RBBP7: variants seen among roughly 807,000 people sequenced by gnomAD.
RBBP7 encodes RB binding protein 7, chromatin remodeling factor.
Under a neutral mutation model 35.2 loss-of-function variants are expected in RBBP7, and 5 were observed. The ratio of observed to expected loss-of-function variants is 0.14; its 90% CI spans 0.07 to 0.30. The LOEUF is 0.30. Ranked by LOEUF, RBBP7 falls within the 10% of genes least tolerant of loss-of-function variation. The probability of loss-of-function intolerance (pLI) is 1.00; values close to 1 mark genes in which losing one functional copy is unlikely to be tolerated. For missense variants in RBBP7, 155 were observed against 327.5 expected, an observed-to-expected ratio of 0.47 and a Z score of 4.07; for synonymous variants, 140 against 118.7, an observed-to-expected ratio of 1.18 and a Z score of -1.17.
chrX:16,868,620 T>C (rs758146067), intron 2 of RBBP7, among the ~76,000 whole-genome samples: 1 of 112,812 alleles, frequency 8.9e-6, no homozygotes, highest in South Asian at 3.6e-4. Flanking sequence ...CTTTGGTCAA[T>C]TGTTGACAAG....
At chrX:16,867,299 C>G (rs1174992111) in intron 2 of RBBP7, among the ~76,000 whole-genome samples, 4 of 112,180 alleles carry the variant, frequency 3.6e-5, no homozygotes, top group Non-Finnish European at 7.5e-5. Context: ...ACCCAGGTCT[C>G]TAAGTTTAAA....
At chrX:16,862,079 C>T (rs4828538) in intron 3 of RBBP7, among the ~76,000 whole-genome samples, 51,746 of 110,474 alleles carry the variant, frequency 0.47, 9,074 homozygotes, top group East Asian at 0.85. Flanking sequence ...AAGACCCAAA[C>T]AGGCTTCCCT....
In RBBP7 at chrX:16,858,779, T is replaced by C; in HGVS notation, c.378A>G (p.Val126=). Residue 126 remains valine (V), a synonymous_variant, in exon 4 of 12, where the codon GTA becomes GTG. Coordinates refer to ENST00000380087, the MANE Select transcript of RBBP7 (RefSeq NM_002893.4). ...CEIKINHEGE[V]NRARYMPQNP... ...TCTGCGGCATGTAACGAGCACGGTTTACTTCTCCTTCGTGATTGATTTTAA... is the reference window on the plus strand; with the variant it reads ...TCTGCGGCATGTAACGAGCACGGTTCACTTCTCCTTCGTGATTGATTTTAA... 8.3e-7 allele frequency: 1 copy of C among 1,211,805 alleles called. No homozygotes were observed. The highest frequency in any genetic ancestry group is 1.8e-5 in the South Asian group (1 of 56,992).
chrX:16,860,227 A>G (rs1455575973), intron 3 of RBBP7, among the ~76,000 whole-genome samples: 1 of 88,372 alleles, frequency 1.1e-5, no homozygotes, highest in East Asian at 4.1e-4. Flanking sequence ...AAGATACTCA[A>G]GTTTCCTGAT....
chrX:16,865,250 C>A (rs1930586639), intron 2 of RBBP7, among the ~76,000 whole-genome samples: 1 of 109,830 alleles, frequency 9.1e-6, no homozygotes, highest in African/African-American at 3.3e-5. Flanking sequence ...AAACAAAAAA[C>A]AAAAATTTAA....
chrX:16,846,290 C>T (rs1602413096), intron 10 of RBBP7: 1 of 136,757 alleles, frequency 7.3e-6, no homozygotes, highest in East Asian at 2.0e-4. Context: ...AATGCCATTT[C>T]CATACTGATT....
At chrX:16,866,256 C>T (rs1434346204) in intron 2 of RBBP7, among the ~76,000 whole-genome samples, 1 of 110,326 alleles carries the variant, frequency 9.1e-6, no homozygotes, top group African/African-American at 3.3e-5. Context: ...CTTTTAAAAG[C>T]CAAATCAACA....
At position 16,849,032 on chromosome X, in the gene RBBP7, C is replaced by A. The variant is rs1244732851; in HGVS notation, c.1098+212G>T. The A allele has an allele frequency of 8.8e-6, 3 of 341,838 alleles. No individual in the cohort carries two copies. The East Asian group carries it at 1.4e-4, about 16-fold the overall frequency. 28.2% of individuals were successfully genotyped at this position (341,838 alleles called of 1,213,427 possible). Reference sequence around the variant, plus strand: ...ATATACTATTTTCCAGGACCTCAAACCATTCTCAGTGAAACATTCATAAAA... The same window carrying A: ...ATATACTATTTTCCAGGACCTCAAAACATTCTCAGTGAAACATTCATAAAA... On this transcript the variant is annotated intron_variant, in intron 10 of 11. Coordinates refer to ENST00000380087, the MANE Select transcript of RBBP7 (RefSeq NM_002893.4).
chrX:16,853,931 C>T lies in RBBP7; in HGVS notation c.598-89G>A. ...CCCTCGAGACAGTGTCTCAGTCTGT[C>T]ACCCAGGCTGGTGCGATCTCGGCTC... On this transcript the variant is annotated intron_variant, in intron 5 of 11. Transcript: ENST00000380087. The T allele has an allele frequency of 3.7e-6, 3 of 810,143 alleles. No individual in the cohort carries two copies. In the South Asian group the frequency reaches 1.5e-4, roughly 41 times the overall value. The allele number at this position is 810,143 out of a possible 1,213,427, so 66.8% of individuals were successfully genotyped here.
intron 2 of RBBP7, among the ~76,000 whole-genome samples, chrX:16,865,229 AAAAAACAC>A (rs1930585954): frequency 9.0e-6 from 1 of 111,095 alleles, no homozygotes; most frequent in Non-Finnish European, 1.9e-5. Flanking sequence ...CACAAAAAAC[AAAAAACAC>A]AAAAACAAAA....
intron 11 of RBBP7, among the ~76,000 whole-genome samples, chrX:16,845,584 T>C (rs1366597675): frequency 8.9e-6 from 1 of 111,908 alleles, no homozygotes; most frequent in Non-Finnish European, 1.9e-5. Context: ...ACAACAACAA[T>C]GAAAATCAGT....
rs137971003 is a variant in RBBP7 at position 16,859,514 on chromosome X, C to A, written c.308-665G>T. Among the ~76,000 whole-genome samples the A allele has an allele frequency of 5.3e-3, 600 of 112,184 alleles. 7 individuals carry two copies. Among genetic ancestry groups the A allele is most frequent in the African/African-American group, 0.019 (571 of 30,856 alleles). On this transcript the variant is annotated intron_variant, in intron 3 of 11. Coordinates refer to ENST00000380087, the MANE Select transcript of RBBP7 (RefSeq NM_002893.4). Reference sequence around the variant, plus strand: ...AAGTAACAAAGTCATATAAAAAGTACGGTAACTTCCAAGAAGTAGCAACAT... The same window carrying A: ...AAGTAACAAAGTCATATAAAAAGTAAGGTAACTTCCAAGAAGTAGCAACAT...
chrX:16,858,701 G>A lies in RBBP7; in HGVS notation c.456C>T (p.Asp152=). The part of the protein sequence containing the change: ...KTPSSDVLVF[D]YTKHPAKPDP... ...CTGGTTTAGCAGGGTGTTTTGTATA[G>A]TCAAAAACCAACACATCAGAAGATG... is the stretch of plus-strand genomic sequence containing the variant. Residue 152 remains aspartate (D), a synonymous_variant, in exon 4 of 12, where the codon GAC becomes GAT. Transcript: ENST00000380087. 8.3e-7 allele frequency: 1 copy of A among 1,211,537 alleles called. No homozygotes were observed.
At chrX:16,863,291 T>A (rs1158873988) in intron 2 of RBBP7, among the ~76,000 whole-genome samples, 191 bp from the exon 3 acceptor site, 2 of 112,072 alleles carry the variant, frequency 1.8e-5, no homozygotes, top group African/African-American at 6.5e-5. Flanking sequence ...GAAAATATTC[T>A]AGCTACAACA....
chrX:16,857,038 A>G (rs1170020209), intron 5 of RBBP7, among the ~76,000 whole-genome samples: 2 of 110,970 alleles, frequency 1.8e-5, no homozygotes, highest in African/African-American at 6.5e-5. Context: ...AGCCAAACAG[A>G]AAAGGCCATA....
intron 8 of RBBP7, 169 bp downstream of exon 8, chrX:16,852,382 A>C (rs996722697): frequency 3.3e-6 from 2 of 603,781 alleles, no homozygotes; most frequent in South Asian, 2.5e-5. Context: ...ACCATCCCAG[A>C]AGCTTTTTAA....
intron 4 of RBBP7, 146 bp downstream of exon 4, chrX:16,858,530 C>A: frequency 4.5e-6 from 4 of 894,565 alleles, no homozygotes; most frequent in Non-Finnish European, 6.0e-6. Flanking sequence ...TCTGGCAAAT[C>A]CCTGAACTTG....
At chrX:16,850,499 T>C (rs1454637061) in intron 9 of RBBP7, among the ~76,000 whole-genome samples, 1 of 113,034 alleles carries the variant, frequency 8.8e-6, no homozygotes, top group Admixed American at 9.4e-5. Flanking sequence ...CTTTATAGTT[T>C]TGATTTAGGT....
chrX:16,855,432 A>C (rs965049790), intron 5 of RBBP7, among the ~76,000 whole-genome samples: 2 of 111,762 alleles, frequency 1.8e-5, no homozygotes, highest in Non-Finnish European at 3.8e-5. Flanking sequence ...TACACAATAC[A>C]TATGCCCTCA....
Sources: allele counts gnomAD v4.1 joint callset (sites outside exome capture counted in the v4.1 genomes callset), GRCh38; gene constraint gnomAD v4.1.1; transcripts MANE v1.5; gene names NCBI Gene and HGNC (gene_info 2026-07-23, HGNC 2026-07-21).